NFIA: variants seen among roughly 807,000 people sequenced by gnomAD.
NFIA encodes the protein nuclear factor I A, also known as nuclear factor 1 A-type.
In NFIA, 8 loss-of-function variants were observed where a neutral mutation model predicts 62.8. The ratio of observed to expected loss-of-function variants is 0.13; its 90% confidence interval spans 0.07 to 0.23. The LOEUF (loss-of-function observed/expected upper bound fraction) is 0.23, where lower values mean the gene tolerates loss of function less well. NFIA is among the 10% of genes least tolerant of loss of function. The pLI, the probability that NFIA is intolerant of heterozygous loss-of-function variation, is 1.00. For synonymous variants in NFIA, 235 were observed against 238.1 expected (o/e 0.99, Z 0.12); for missense variants, 410 against 642.1 (o/e 0.64, Z 3.91).
intron 3 of NFIA, among the ~76,000 whole-genome samples, chr1:61,330,374 TCA>T (rs1322684198): frequency 6.6e-6 from 1 of 151,682 alleles, no homozygotes; most frequent in Non-Finnish European, 1.5e-5. Context: ...TTCACAAATA[TCA>T]CAGTCTAGAC....
intron 6 of NFIA, among the ~76,000 whole-genome samples, chr1:61,382,312 C>T (rs917174157): frequency 6.6e-6 from 1 of 152,118 alleles, no homozygotes; most frequent in African/African-American, 2.4e-5. Flanking sequence ...CTTCCCAAAG[C>T]ATTTTCTATG....
chr1:61,442,566 TA>T (rs376261777), intron 10 of NFIA, among the ~76,000 whole-genome samples: 352 of 140,224 alleles, frequency 2.5e-3, no homozygotes, highest in Middle Eastern at 3.5e-3. Flanking sequence ...CAGAGTTGCT[TA>T]AAAAAAAAAA....
Position 61,458,278 on chromosome 1 carries a change from A to G in NFIA, c.*2958A>G, listed in dbSNP as rs1668393271. The G allele has an allele frequency of 6.6e-6, 1 of 152,178 alleles. No homozygotes were observed. Among genetic ancestry groups the G allele is most frequent in the East Asian group, 1.9e-4 (1 of 5,196 alleles). The allele number at this position is 152,178 out of a possible 1,614,324, so 9.4% of individuals were successfully genotyped here. ...TGAAGGGAAAAAAGCCTAGACAAAC[A>G]TTTTGTCAGAACCTTGCAATAAGCC... On this transcript the variant is annotated 3_prime_UTR_variant, in exon 11 of 11. Coordinates refer to ENST00000403491, the MANE Select transcript of NFIA (RefSeq NM_001134673.4).
chr1:61,259,631 A>T (rs1047258289), intron 2 of NFIA, among the ~76,000 whole-genome samples: 1 of 152,228 alleles, frequency 6.6e-6, no homozygotes, highest in South Asian at 2.1e-4. Context: ...GAATAGAAGG[A>T]TGGAATCCTA....
chr1:61,105,499 A>T (rs980749252), intron 2 of NFIA, among the ~76,000 whole-genome samples: 6 of 151,944 alleles, frequency 3.9e-5, no homozygotes, highest in African/African-American at 1.4e-4. Flanking sequence ...AGTTGATGCT[A>T]CAGAAATGAA....
chr1:61,208,008 T>C (rs947724989), intron 2 of NFIA, among the ~76,000 whole-genome samples: 2 of 147,720 alleles, frequency 1.4e-5, no homozygotes, highest in Non-Finnish European at 3.0e-5. Flanking sequence ...GATGCAGCTC[T>C]TCACAGATGG....
At chr1:61,343,447 G>A (rs1662038244) in intron 4 of NFIA, among the ~76,000 whole-genome samples, 1 of 152,184 alleles carries the variant, frequency 6.6e-6, no homozygotes, top group African/African-American at 2.4e-5. Flanking sequence ...TCACAAGACA[G>A]GGATGTGTGA....
intron 2 of NFIA, among the ~76,000 whole-genome samples, chr1:61,174,003 T>C (rs895802729): frequency 6.6e-6 from 1 of 152,174 alleles, no homozygotes; most frequent in African/African-American, 2.4e-5. Context: ...AGATAAATGC[T>C]AAGGGTAGAG....
At chr1:61,086,389 TATGAGA>T (rs1646219359) in intron 1 of NFIA, among the ~76,000 whole-genome samples, 1 of 152,156 alleles carries the variant, frequency 6.6e-6, no homozygotes, top group South Asian at 2.1e-4. Flanking sequence ...TCACCTAAAG[TATGAGA>T]ATAAGAAATA....
intron 2 of NFIA, among the ~76,000 whole-genome samples, chr1:61,234,459 C>T (rs950244450): frequency 2.6e-5 from 4 of 151,398 alleles, no homozygotes; most frequent in East Asian, 3.9e-4. Flanking sequence ...TTGCGTTATG[C>T]GGGTATACGT....
intron 2 of NFIA, among the ~76,000 whole-genome samples, chr1:61,152,162 C>T (rs1648463707): frequency 1.3e-5 from 2 of 152,144 alleles, no homozygotes; most frequent in African/African-American, 2.4e-5. Flanking sequence ...TTATTCTCTC[C>T]TCCTATCAGC....
rs58274631 is a variant in NFIA at position 61,106,100 on chromosome 1, CATCT to C, written c.559+17451_559+17454del. 5.5e-3 allele frequency among the ~76,000 whole-genome samples: 814 copies of C among 149,144 alleles called. 4 individuals carry two copies. The highest frequency in any genetic ancestry group is 0.011 in the Admixed American group (169 of 14,906). On this transcript the variant is annotated intron_variant, in intron 2 of 10. Transcript: ENST00000403491. Reference sequence around the variant, plus strand: ...AAAAATCCTCTCTCTCTCTCTCATGCATCTATCTATCTATCTATCTATCTATCTA... The same window carrying C: ...AAAAATCCTCTCTCTCTCTCTCATGCATCTATCTATCTATCTATCTATCTA...
At chr1:61,231,119 TTTG>T (rs1654646944) in intron 2 of NFIA, among the ~76,000 whole-genome samples, 1 of 152,194 alleles carries the variant, frequency 6.6e-6, no homozygotes, top group Non-Finnish European at 1.5e-5. Flanking sequence ...TGGCTGGCTC[TTTG>T]TTATTTGTTG....
At chr1:61,077,972 A>G (rs1179549694), upstream of NFIA, among the ~76,000 whole-genome samples, 4 of 151,348 alleles carry the variant, frequency 2.6e-5, no homozygotes, top group African/African-American at 9.7e-5. Flanking sequence ...TCTGTTCTGT[A>G]AAAGACGTCT....
Position 61,311,807 on chromosome 1 carries a change from G to A in NFIA, c.626-20705G>A, listed in dbSNP as rs563861061. 3.7e-3 allele frequency among the ~76,000 whole-genome samples: 556 copies of A among 152,204 alleles called. 4 individuals carry two copies. Among genetic ancestry groups the A allele is most frequent in the African/African-American group, 0.012 (517 of 41,510 alleles). On this transcript the variant is annotated intron_variant, in intron 3 of 10. Transcript: ENST00000403491. ...ATTATGGAATGATCTTCAAATTAAT[G>A]GGCTGTATAGTCTTAACCGTTAATG...
Position 61,235,516 on chromosome 1 carries a change from T to TATAAAAAATA in NFIA, c.560-42003_560-42002insTAAAAAATAA, listed in dbSNP as rs1557653528. 4.2e-5 allele frequency among the ~76,000 whole-genome samples: 6 copies of TATAAAAAATA among 142,666 alleles called. No homozygotes were observed. In the East Asian group the frequency reaches 8.0e-4, roughly 19 times the overall value. 93.6% of individuals were successfully genotyped at this position (142,666 alleles called of 152,430 possible). On this transcript the variant is annotated intron_variant, in intron 2 of 10. Coordinates refer to ENST00000403491, the MANE Select transcript of NFIA (RefSeq NM_001134673.4). Reference sequence around the variant, plus strand: ...TAAATAAATAAATAAAAATAAAAAATAAAAAAAAATGAACAAAGGTTGGGT... The same window carrying TATAAAAAATA: ...TAAATAAATAAATAAAAATAAAAAATATAAAAAATAAAAAAAAAATGAACAAAGGTTGGGT...
At chr1:61,319,317 A>G (rs1660537863) in intron 3 of NFIA, among the ~76,000 whole-genome samples, 1 of 152,190 alleles carries the variant, frequency 6.6e-6, no homozygotes, top group Non-Finnish European at 1.5e-5. Context: ...ATGAAATTAT[A>G]CATATGTTTG....
upstream of NFIA, chr1:61,077,590 AT>A: frequency 7.3e-7 from 1 of 1,372,998 alleles, no homozygotes; most frequent in South Asian, 1.9e-5. Flanking sequence ...TCGTCTGAGC[AT>A]TTTAAAGTTT....
Position 61,401,091 on chromosome 1 carries a change from G to A in NFIA, c.1076-3013G>A, listed in dbSNP as rs147325059. 5.5e-4 allele frequency among the ~76,000 whole-genome samples: 83 copies of A among 152,266 alleles called. 1 individual carries two copies. The East Asian group carries it at 0.012, about 21-fold the overall frequency. ...TCTGTTTGAAGAAATGAAGGTTCAG[G>A]ATCTCGAATGATTTCTCTCCAGTTG... On this transcript the variant is annotated intron_variant, in intron 7 of 10. Coordinates refer to ENST00000403491, the MANE Select transcript of NFIA (RefSeq NM_001134673.4).
Sources: gnomAD v4.1 joint callset for allele counts (sites outside exome capture counted in the v4.1 genomes callset) on GRCh38, gnomAD v4.1.1 for gene constraint, MANE v1.5 for transcripts, NCBI Gene and HGNC (gene_info 2026-07-23, HGNC 2026-07-21) for gene names.